The following ABCC1 variants were observed in gnomAD, a reference collection of about 807,000 sequenced individuals.
ABCC1 encodes multidrug resistance-associated protein 1.
ABCC1 carries 83 observed loss-of-function variants against 172.9 expected under a neutral mutation model. That is an observed-to-expected ratio of 0.48 (90% CI 0.40 to 0.58). The LOEUF (loss-of-function observed/expected upper bound fraction) is 0.58. Among genes scored for constraint, ABCC1 ranks in the 20% least tolerant of loss-of-function variants. The probability of loss-of-function intolerance (pLI) is 0.00; values close to 1 mark genes in which losing one functional copy is unlikely to be tolerated. For synonymous variants in ABCC1, 937 were observed against 825.2 expected (o/e 1.14, Z -2.32); for missense variants, 1,817 against 2,002.7 (o/e 0.91, Z 1.77).
intron 1 of ABCC1, among the ~76,000 whole-genome samples, chr16:15,992,455 A>G (rs193056514): frequency 6.6e-6 from 1 of 152,194 alleles, no homozygotes; most frequent in Admixed American, 6.5e-5. Context: ...GCTGGAGTGC[A>G]GTGGCACAAT....
At chr16:16,084,246 G>A (rs1223026764) in intron 17 of ABCC1, among the ~76,000 whole-genome samples, 1 of 152,136 alleles carries the variant, frequency 6.6e-6, no homozygotes, top group Admixed American at 6.6e-5. Context: ...GGAATTACAG[G>A]TGCATATCAC....
intron 1 of ABCC1, among the ~76,000 whole-genome samples, chr16:16,002,872 C>T (rs943266237): frequency 6.6e-5 from 10 of 151,592 alleles, no homozygotes; most frequent in African/African-American, 1.9e-4. Flanking sequence ...CAAAATAGGT[C>T]GTATTTGGAA....
At chr16:16,114,726 C>T in intron 22 of ABCC1, 40 bp from the exon 23 acceptor site, 1 of 1,548,084 alleles carries the variant, frequency 6.5e-7, no homozygotes, top group Non-Finnish European at 8.8e-7. Context: ...TGGTCAGCTC[C>T]CTCTCTGCAT....
rs59651836 is a variant in ABCC1, at chr16:15,969,074, C to T, written c.48+19275C>T. ...AATACAAAAATTAACTGTGGTGGCG[C>T]TTGCCTATAATCCCAGCTACTGGGA... On this transcript the variant is annotated intron_variant, in intron 1 of 30. Coordinates refer to ENST00000399410, the MANE Select transcript of ABCC1 (RefSeq NM_004996.4). Among the ~76,000 whole-genome samples, 591 of 152,066 alleles carry T rather than the reference C, an allele frequency of 3.9e-3. 4 individuals carry two copies. Among genetic ancestry groups the T allele is most frequent in the African/African-American group, 0.012 (508 of 41,486 alleles).
chr16:16,028,941 T>G (rs1181686842), intron 5 of ABCC1, among the ~76,000 whole-genome samples: 1 of 152,090 alleles, frequency 6.6e-6, no homozygotes, highest in Non-Finnish European at 1.5e-5. Context: ...CATCTGATGA[T>G]CTTATTAAAG....
At chr16:16,035,611 C>T (rs972591868) in intron 6 of ABCC1, among the ~76,000 whole-genome samples, 1 of 151,710 alleles carries the variant, frequency 6.6e-6, no homozygotes, top group Non-Finnish European at 1.5e-5. Flanking sequence ...CCACCTCAGC[C>T]TCCCGAGTAG....
chr16:16,109,292 T>C (rs1441483393), intron 21 of ABCC1, among the ~76,000 whole-genome samples: 6 of 152,092 alleles, frequency 3.9e-5, no homozygotes, highest in Admixed American at 1.3e-4. Context: ...TCCTCCTAGC[T>C]CAGCTTCCTG....
At chr16:15,982,404 C>G (rs908396478) in intron 1 of ABCC1, among the ~76,000 whole-genome samples, 3 of 151,986 alleles carry the variant, frequency 2.0e-5, no homozygotes, top group East Asian at 1.9e-4. Flanking sequence ...GCAAACACGT[C>G]CTTCTTCACA....
intron 1 of ABCC1, among the ~76,000 whole-genome samples, chr16:16,002,522 C>T (rs2047350536): frequency 6.6e-6 from 1 of 152,118 alleles, no homozygotes; most frequent in South Asian, 2.1e-4. Context: ...CCTGTGATCC[C>T]AGCACTTTGG....
intron 1 of ABCC1, among the ~76,000 whole-genome samples, chr16:16,001,334 C>T (rs914784873): frequency 1.3e-5 from 2 of 152,106 alleles, no homozygotes; most frequent in African/African-American, 2.4e-5. Context: ...GCCTCAGCCT[C>T]TCCAAGTAGC....
At chr16:16,091,657 A>G (rs1040183236) in intron 19 of ABCC1, among the ~76,000 whole-genome samples, 1 of 152,156 alleles carries the variant, frequency 6.6e-6, no homozygotes, top group African/African-American at 2.4e-5. Flanking sequence ...TTTACAAAAC[A>G]AAAAGGGTGG....
chr16:16,031,672 T>TTCCTTG (rs1027335214), intron 5 of ABCC1, among the ~76,000 whole-genome samples: 1 of 152,102 alleles, frequency 6.6e-6, no homozygotes, highest in African/African-American at 2.4e-5. Context: ...TGCGTTGCCT[T>TTCCTTG]TCCTTGTTAC....
chr16:16,076,284 G>A (rs368704095), intron 14 of ABCC1, 42 bp from the exon 15 acceptor site: 10 of 1,592,088 alleles, frequency 6.3e-6, no homozygotes, highest in East Asian at 2.2e-5. Flanking sequence ...ATGTGGAGTC[G>A]CACAGCTCAG....
At chr16:15,993,029 G>A (rs960185490) in intron 1 of ABCC1, among the ~76,000 whole-genome samples, 1 of 152,124 alleles carries the variant, frequency 6.6e-6, no homozygotes, top group Non-Finnish European at 1.5e-5. Context: ...CGCCACTCTG[G>A]TGCTTCCTGT....
At chr16:15,958,781 G>A (rs45474897) in intron 1 of ABCC1, among the ~76,000 whole-genome samples, 2,046 of 152,278 alleles carry the variant, frequency 0.013, 21 homozygotes, top group Middle Eastern at 0.051. Context: ...AGGCTGAATG[G>A]TTGAACGGGG....
chr16:16,129,983 A>G (rs1182235750), intron 26 of ABCC1, among the ~76,000 whole-genome samples: 2 of 152,236 alleles, frequency 1.3e-5, no homozygotes, highest in African/African-American at 4.8e-5. Context: ...TGTGCCCTGG[A>G]CGGGGAGGTG....
chr16:16,126,780 A>G (rs2045458747), intron 26 of ABCC1, among the ~76,000 whole-genome samples: 1 of 152,240 alleles, frequency 6.6e-6, no homozygotes, highest in Non-Finnish European at 1.5e-5. Context: ...AAGTTGAGAA[A>G]TTAAGTCTAA....
intron 21 of ABCC1, among the ~76,000 whole-genome samples, chr16:16,108,751 A>G (rs919282667): frequency 6.6e-6 from 1 of 151,234 alleles, no homozygotes; most frequent in East Asian, 2.0e-4. Flanking sequence ...GTGCACCCCC[A>G]CGCTTGACTA....
chr16:16,036,273 G>A (rs2048753133), intron 6 of ABCC1, among the ~76,000 whole-genome samples, 199 bp from the exon 7 acceptor site: 1 of 151,332 alleles, frequency 6.6e-6, no homozygotes, highest in Non-Finnish European at 1.5e-5. Flanking sequence ...AACAGAATGA[G>A]CTGTAATTAG....
Sources: allele counts gnomAD v4.1 joint callset (sites outside exome capture counted in the v4.1 genomes callset), GRCh38; gene constraint gnomAD v4.1.1; transcripts MANE v1.5; gene names NCBI Gene and HGNC (gene_info 2026-07-23, HGNC 2026-07-21).